Variants in MRTFA observed in about 807,000 individuals in gnomAD.
MRTFA encodes the protein myocardin related transcription factor A.
In MRTFA, 20 loss-of-function variants were observed where a neutral mutation model predicts 83.5. The ratio of observed to expected loss-of-function variants is 0.24; its 90% CI spans 0.17 to 0.35. The LOEUF (loss-of-function observed/expected upper bound fraction) is 0.35, where lower values mean the gene tolerates loss of function less well. MRTFA is among the 10% of genes least tolerant of loss of function. The probability of loss-of-function intolerance (pLI) is 1.00; values close to 1 mark genes in which losing one functional copy is unlikely to be tolerated. For synonymous variants in MRTFA, 659 were observed against 541.2 expected (o/e 1.22, Z -3.02); for missense variants, 1,200 against 1,224.7 (o/e 0.98, Z 0.30).
chr22:40,533,996 G>GA (rs1301143381), intron 3 of MRTFA, among the ~76,000 whole-genome samples: 4 of 152,180 alleles, frequency 2.6e-5, no homozygotes, highest in African/African-American at 9.7e-5. Flanking sequence ...CTCAAGAAGA[G>GA]AAGATGAGGT....
At chr22:40,555,557 C>A (rs1437077553) in intron 2 of MRTFA, among the ~76,000 whole-genome samples, 1 of 151,616 alleles carries the variant, frequency 6.6e-6, no homozygotes, top group Non-Finnish European at 1.5e-5. Flanking sequence ...AACCATGAAC[C>A]AATTAAACCT....
intron 4 of MRTFA, among the ~76,000 whole-genome samples, chr22:40,457,994 T>C (rs960122306): frequency 1.3e-5 from 2 of 152,366 alleles, no homozygotes; most frequent in South Asian, 4.1e-4. Flanking sequence ...CTTATGACCT[T>C]GTACACCTTT....
intron 1 of MRTFA, among the ~76,000 whole-genome samples, chr22:40,632,095 T>C (rs1483261178): frequency 6.6e-6 from 1 of 152,210 alleles, no homozygotes; most frequent in African/African-American, 2.4e-5. Flanking sequence ...GTCTTTTGTA[T>C]TACATGCTCT....
At chr22:40,622,079 G>C (rs955175114) in intron 1 of MRTFA, among the ~76,000 whole-genome samples, 1 of 152,186 alleles carries the variant, frequency 6.6e-6, no homozygotes, top group Non-Finnish European at 1.5e-5. Flanking sequence ...AAGAGACTAT[G>C]ATAGGCTGAA....
chr22:40,596,623 G>A (rs1198283580), intron 1 of MRTFA, among the ~76,000 whole-genome samples: 1 of 152,202 alleles, frequency 6.6e-6, no homozygotes, highest in Non-Finnish European at 1.5e-5. Context: ...CCAACATGGT[G>A]AAACCCTGTC....
chr22:40,502,151 C>A (rs1421812445), intron 3 of MRTFA, among the ~76,000 whole-genome samples: 1 of 127,310 alleles, frequency 7.9e-6, no homozygotes, highest in African/African-American at 3.0e-5. Flanking sequence ...GCTGGCCGGG[C>A]GGGGGGCTGA....
intron 2 of MRTFA, among the ~76,000 whole-genome samples, chr22:40,581,567 CCAA>C (rs1486882442): frequency 6.6e-6 from 1 of 152,058 alleles, no homozygotes; most frequent in East Asian, 1.9e-4. Flanking sequence ...TGAGAAAGAG[CCAA>C]CTTTATAGTT....
rs201330517 is a variant in MRTFA, at chr22:40,630,475, T to G, written c.-84+6003A>C. ...AGAATCGTTTTTCTGTTGTACAAAATCAGAGATTTCAGACTTCAACTTGGA... is the reference window on the plus strand; with the variant it reads ...AGAATCGTTTTTCTGTTGTACAAAAGCAGAGATTTCAGACTTCAACTTGGA... On this transcript the variant is annotated intron_variant, in intron 1 of 14. Transcript: ENST00000355630. 6.6e-5 allele frequency among the ~76,000 whole-genome samples: 10 copies of G among 152,234 alleles called. No individual in the cohort carries two copies. In the East Asian group the frequency reaches 1.5e-3, roughly 24 times the overall value.
At chr22:40,455,070 G>A (rs1214332694) in intron 4 of MRTFA, among the ~76,000 whole-genome samples, 1 of 152,166 alleles carries the variant, frequency 6.6e-6, no homozygotes, top group Non-Finnish European at 1.5e-5. Flanking sequence ...CATGTGCTGG[G>A]ACTGCAAATG....
chr22:40,411,582 A>G lies in MRTFA; in HGVS notation c.2904T>C (p.Phe968=). The G allele has an allele frequency of 6.2e-7, 1 of 1,613,930 alleles. No homozygotes were observed. Among genetic ancestry groups the G allele is most frequent in the Non-Finnish European group, 8.5e-7 (1 of 1,179,996 alleles). The change falls in exon 15 of 15, where the codon TTT becomes TTC. Residue 968 remains phenylalanine, a synonymous_variant. Coordinates refer to ENST00000355630, the MANE Select transcript of MRTFA (RefSeq NM_020831.6). ...CCATGGTGCTGCTGGGCTCAGGAAC[A>G]AAGTGCAATTCCGAGGTGTCCATGG...
chr22:40,536,075 G>A (rs1417781539), intron 3 of MRTFA, among the ~76,000 whole-genome samples: 1 of 149,884 alleles, frequency 6.7e-6, no homozygotes, highest in African/African-American at 2.5e-5. Context: ...AGGGTGGGTT[G>A]AAACTAGAAG....
chr22:40,468,450 A>G (rs2053846051), intron 3 of MRTFA, among the ~76,000 whole-genome samples: 1 of 152,188 alleles, frequency 6.6e-6, no homozygotes, highest in Non-Finnish European at 1.5e-5. Flanking sequence ...CAGGACAGTA[A>G]AAAAACAAGA....
chr22:40,553,326 C>G (rs899043550), intron 2 of MRTFA, among the ~76,000 whole-genome samples: 8 of 152,184 alleles, frequency 5.3e-5, no homozygotes, highest in African/African-American at 1.9e-4. Context: ...GAAAACGTCT[C>G]CAGGGCATGT....
In MRTFA at chr22:40,520,604, G is replaced by A. The variant is rs181223690; in HGVS notation, c.241+31502C>T. 3.1e-3 allele frequency among the ~76,000 whole-genome samples: 468 copies of A among 152,092 alleles called. 1 individual carries two copies. The highest frequency in any genetic ancestry group is 4.8e-3 in the Non-Finnish European group (329 of 67,974). ...TGTATTTTTAGTAGACATAGGTTTC[G>A]CCATGTTGCCCAGGCTGGTCTCAAA... is the stretch of plus-strand genomic sequence containing the variant. On this transcript the variant is annotated intron_variant, in intron 3 of 14. Transcript: ENST00000355630.
chr22:40,556,928 A>G (rs756977495), intron 2 of MRTFA, among the ~76,000 whole-genome samples: 9 of 152,228 alleles, frequency 5.9e-5, no homozygotes, highest in Non-Finnish European at 1.3e-4. Context: ...GGAAAATAGA[A>G]TGGTATCAAA....
chr22:40,565,533 C>T (rs765105741), intron 2 of MRTFA, among the ~76,000 whole-genome samples: 3 of 151,956 alleles, frequency 2.0e-5, no homozygotes, highest in Non-Finnish European at 2.9e-5. Context: ...GGCAACAGAG[C>T]GAGACTCGAT....
rs1213807268 is a variant in MRTFA at position 40,470,229 on chromosome 22, TTTTATA to T, written c.242-6949_242-6944del. 1.8e-3 allele frequency among the ~76,000 whole-genome samples: 104 copies of T among 58,758 alleles called. 2 individuals are homozygous for T. The highest frequency in any genetic ancestry group is 8.4e-3 in the African/African-American group (101 of 12,072). 38.5% of individuals were successfully genotyped at this position (58,758 alleles called of 152,430 possible). ...ACACAGCAAGACCCCATCTCCAAAA[TTTTATA>T]TATATATATATATATATATATATAT... On this transcript the variant is annotated intron_variant, in intron 3 of 14. Transcript: ENST00000355630.
chr22:40,509,609 G>C (rs1238680053), intron 3 of MRTFA, among the ~76,000 whole-genome samples: 1 of 152,144 alleles, frequency 6.6e-6, no homozygotes, highest in Non-Finnish European at 1.5e-5. Context: ...TTCTCGGCCT[G>C]AATTTTTGTT....
chr22:40,411,703 G>C lies in MRTFA; in HGVS notation c.2783C>G (p.Thr928Ser). 1 of 1,587,870 alleles carries C rather than the reference G, an allele frequency of 6.3e-7. No homozygotes were observed. Among genetic ancestry groups the C allele is most frequent in the Non-Finnish European group, 8.6e-7 (1 of 1,163,658 alleles). The change falls in exon 15 of 15, where the codon ACC becomes AGC. Residue 928 changes from threonine (T) to serine (S), a missense_variant. Thr to Ser is a moderately conservative substitution (Grantham distance 58). Around this residue, in one of 2 missense-constraint regions of MRTFA, gnomAD observed 1,107 missense variants for 1,041.8 expected, o/e 1.06. Transcript: ENST00000355630. Reference sequence around the variant, plus strand: ...GGGCTCTGGCCCGTCATGCCCACTGGTCAGCAGGGGCAGCCCCGTGCTGCT... The same window carrying C: ...GGGCTCTGGCCCGTCATGCCCACTGCTCAGCAGGGGCAGCCCCGTGCTGCT...
Sources: allele counts gnomAD v4.1 joint callset (sites outside exome capture counted in the v4.1 genomes callset), GRCh38; gene constraint gnomAD v4.1.1; regional missense constraint gnomAD v4.1.1; transcripts MANE v1.5; gene names NCBI Gene and HGNC (gene_info 2026-07-23, HGNC 2026-07-21).